Variants in CHST12 observed in about 807,000 individuals in gnomAD.
CHST12 encodes carbohydrate sulfotransferase 12.
In CHST12, 23 loss-of-function variants were observed where a neutral mutation model predicts 27.9. That is an observed-to-expected ratio of 0.82 (90% CI 0.59 to 1.17). The LOEUF is 1.17. Ranked by LOEUF, CHST12 falls within the 50% of genes most tolerant of loss-of-function variation. CHST12 has a pLI of 0.00. For synonymous variants in CHST12, 322 were observed against 273.0 expected (o/e 1.18, Z -1.77); for missense variants, 682 against 603.0 (o/e 1.13, Z -1.37).
At chr7:2,431,916 C>T (rs116097475) in intron 1 of CHST12, among the ~76,000 whole-genome samples, 1,743 of 152,100 alleles carry the variant, frequency 0.011, 32 homozygotes, top group African/African-American at 0.04. Context: ...CAAATGCAGG[C>T]GTCCCTGAGA....
At chr7:2,416,098 A>C (rs758190198) in intron 1 of CHST12, among the ~76,000 whole-genome samples, 12 of 152,240 alleles carry the variant, frequency 7.9e-5, no homozygotes, top group Non-Finnish European at 1.2e-4. Context: ...GGAATATTCT[A>C]AATCTTTTCT....
chr7:2,423,405 T>G (rs970343202), intron 1 of CHST12, among the ~76,000 whole-genome samples: 2 of 151,868 alleles, frequency 1.3e-5, no homozygotes, highest in African/African-American at 4.8e-5. Context: ...GGAGGGCAGG[T>G]GAGGAATGCG....
intron 1 of CHST12, among the ~76,000 whole-genome samples, chr7:2,415,122 T>C (rs151089696): frequency 6.6e-6 from 1 of 152,214 alleles, no homozygotes; most frequent in Non-Finnish European, 1.5e-5. Flanking sequence ...CCCTGCACTT[T>C]GGGAGGCCAA....
At chr7:2,415,025 C>A (rs1409829076) in intron 1 of CHST12, among the ~76,000 whole-genome samples, 1 of 152,130 alleles carries the variant, frequency 6.6e-6, no homozygotes. Context: ...AAGTGAATAT[C>A]GCAATAAAGA....
intron 1 of CHST12, among the ~76,000 whole-genome samples, chr7:2,429,037 T>G (rs1485089473): frequency 6.6e-6 from 1 of 152,178 alleles, no homozygotes; most frequent in Non-Finnish European, 1.5e-5. Context: ...GCTATGAACA[T>G]CTGCTTTTCT....
At chr7:2,410,717 C>T (rs1268750992) in intron 1 of CHST12, among the ~76,000 whole-genome samples, 1 of 151,902 alleles carries the variant, frequency 6.6e-6, no homozygotes, top group Non-Finnish European at 1.5e-5. Context: ...TGCAGAGGCC[C>T]AGCAGCAGGA....
chr7:2,422,508 G>A (rs984584695), intron 1 of CHST12, among the ~76,000 whole-genome samples: 2 of 151,814 alleles, frequency 1.3e-5, no homozygotes, highest in South Asian at 2.1e-4. Flanking sequence ...GCCTCCCAAG[G>A]TTCTGGGATT....
chr7:2,410,337 G>A (rs1291024838), intron 1 of CHST12, among the ~76,000 whole-genome samples: 1 of 152,088 alleles, frequency 6.6e-6, no homozygotes, highest in East Asian at 1.9e-4. Context: ...GACAGTGAGT[G>A]GATTAACTGG....
At chr7:2,421,772 A>C (rs1781982870) in intron 1 of CHST12, among the ~76,000 whole-genome samples, 1 of 151,688 alleles carries the variant, frequency 6.6e-6, no homozygotes, top group Non-Finnish European at 1.5e-5. Flanking sequence ...GGGTCTTGCT[A>C]TGTTGCCCAG....
At position 2,433,923 on chromosome 7, in the gene CHST12, G is replaced by C. The variant is rs1309752665; in HGVS notation, c.*39G>C. On this transcript the variant is annotated 3_prime_UTR_variant, in exon 2 of 2. Coordinates refer to ENST00000618655, the MANE Select transcript of CHST12 (RefSeq NM_018641.5). The surrounding 1 kb of genome is among the most constrained non-coding windows in gnomAD (Gnocchi z 6.1). ...GCTTTTTCTCGCGTGCCTGGAACCTGACGCACGCGCACTCCAGTTTTTTTA... is the reference window on the plus strand; with the variant it reads ...GCTTTTTCTCGCGTGCCTGGAACCTCACGCACGCGCACTCCAGTTTTTTTA... 1.3e-6 allele frequency: 2 copies of C among 1,522,980 alleles called. No individual in the cohort carries two copies. Among genetic ancestry groups the C allele is most frequent in the East Asian group, 4.5e-5 (2 of 44,030 alleles). 94.3% of individuals were successfully genotyped at this position (1,522,980 alleles called of 1,614,324 possible). A position where few individuals can be genotyped will look rare whatever the true frequency, so the allele number is the denominator to read the frequency against.
intron 1 of CHST12, among the ~76,000 whole-genome samples, chr7:2,415,839 C>T (rs564750698): frequency 2.0e-5 from 3 of 152,116 alleles, no homozygotes; most frequent in Non-Finnish European, 4.4e-5. Context: ...TGGTCTCGAT[C>T]TCCTGACCTT....
At chr7:2,411,346 T>C (rs1326374210) in intron 1 of CHST12, among the ~76,000 whole-genome samples, 1 of 152,118 alleles carries the variant, frequency 6.6e-6, no homozygotes, top group African/African-American at 2.4e-5. Context: ...CCACCTAAAG[T>C]GTTGGGATTA....
chr7:2,412,684 A>AG (rs1781696083), intron 1 of CHST12, among the ~76,000 whole-genome samples: 1 of 152,202 alleles, frequency 6.6e-6, no homozygotes, highest in Non-Finnish European at 1.5e-5. Context: ...GTGGCAAGGA[A>AG]GGGGGGCTCT....
At position 2,422,050 on chromosome 7, in the gene CHST12, T is replaced by C. The variant is rs1781987611; in HGVS notation, c.-77-10513T>C. ...AGCAGAAGTGCTTAGGTTGGCTCAG[T>C]AACGCCCTTATCTAGTTCTTAGGTA... On this transcript the variant is annotated intron_variant, in intron 1 of 1. Coordinates refer to ENST00000618655, the MANE Select transcript of CHST12 (RefSeq NM_018641.5). Among the ~76,000 whole-genome samples, 4 of 152,212 alleles carry C rather than the reference T, an allele frequency of 2.6e-5. No individual in the cohort carries two copies. The South Asian group carries it at 8.3e-4, about 31-fold the overall frequency.
chr7:2,412,898 G>GT (rs11330967), intron 1 of CHST12, among the ~76,000 whole-genome samples: 2,175 of 146,490 alleles, frequency 0.015, 13 homozygotes, highest in East Asian at 0.055. Flanking sequence ...CAAATAGACA[G>GT]TTTTTTTTTT....
intron 1 of CHST12, among the ~76,000 whole-genome samples, chr7:2,426,739 C>T (rs1295324341): frequency 6.7e-6 from 1 of 149,756 alleles, no homozygotes; most frequent in African/African-American, 2.5e-5. Flanking sequence ...TGCCTGTAAT[C>T]CCAGCACTTT....
In CHST12 at chr7:2,404,579, T is replaced by TC. The variant is rs1300779746; in HGVS notation, c.-78+911dup. ...GGGTGGTTGGGGACAGCTCAGCGGG[T>TC]CCCCCACTTACCCCCACGCGGGGAC... On this transcript the variant is annotated intron_variant, in intron 1 of 1. Transcript: ENST00000618655. Among the ~76,000 whole-genome samples the TC allele has an allele frequency of 2.6e-5, 4 of 152,128 alleles. 1 individual carries two copies. The highest frequency in any genetic ancestry group is 6.8e-3 in the Middle Eastern group (2 of 294).
In CHST12 at chr7:2,433,901, T is replaced by C. The variant is rs989073734; in HGVS notation, c.*17T>C. ...CGAGACTGAAAGCTTTCGCGTTGCT[T>C]TTTCTCGCGTGCCTGGAACCTGACG... On this transcript the variant is annotated 3_prime_UTR_variant, in exon 2 of 2. Transcript: ENST00000618655. The surrounding 1 kb of genome is among the most constrained non-coding windows in gnomAD (Gnocchi z 6.1). 2 of 1,542,626 alleles carry C rather than the reference T, an allele frequency of 1.3e-6. No individual in the cohort carries two copies. The highest frequency in any genetic ancestry group is 1.7e-6 in the Non-Finnish European group (2 of 1,143,086).
At chr7:2,421,813 G>T (rs193189265) in intron 1 of CHST12, among the ~76,000 whole-genome samples, 1 of 151,698 alleles carries the variant, frequency 6.6e-6, no homozygotes, top group African/African-American at 2.4e-5. Context: ...CAGTTCTCCC[G>T]CCTCAGCCTC....
Sources: gnomAD v4.1 joint callset for allele counts (sites outside exome capture counted in the v4.1 genomes callset) on GRCh38, gnomAD v4.1.1 for gene constraint, Gnocchi (gnomAD v3.1) non-coding constraint, MANE v1.5 for transcripts, NCBI Gene and HGNC (gene_info 2026-07-23, HGNC 2026-07-21) for gene names.